Variants in PFKFB3 observed in about 807,000 individuals in gnomAD.
PFKFB3 encodes the protein 6-phosphofructo-2-kinase/fructose-2,6-bisphosphatase 3.
Under a neutral mutation model 68.0 loss-of-function variants are expected in PFKFB3, and 33 were observed. The ratio of observed to expected loss-of-function variants is 0.49; its 90% CI spans 0.37 to 0.65. The LOEUF (loss-of-function observed/expected upper bound fraction) is 0.65, where lower values mean the gene tolerates loss of function less well. Ranked by LOEUF, PFKFB3 falls within the 30% of genes least tolerant of loss-of-function variation. The pLI, the probability that PFKFB3 is intolerant of heterozygous loss-of-function variation, is 0.00. For missense variants in PFKFB3, 586 were observed against 712.2 expected, an observed-to-expected ratio of 0.82 and a Z score of 2.02; for synonymous variants, 315 against 288.2, an observed-to-expected ratio of 1.09 and a Z score of -0.94.
intron 1 of PFKFB3, among the ~76,000 whole-genome samples, chr10:6,157,265 T>C (rs11257019): frequency 0.64 from 94,394 of 148,140 alleles, 30,123 homozygotes; most frequent in Middle Eastern, 0.68. Flanking sequence ...CTCGCTCTGT[T>C]GCCCAGGCTG....
chr10:6,318,562 T>C, the PFKFB3 span, among the ~76,000 whole-genome samples: 2 of 152,178 alleles, frequency 1.3e-5, no homozygotes, highest in African/African-American at 2.4e-5. Context: ...CCAATATCCA[T>C]TGCCCTGTTT....
the PFKFB3 span, among the ~76,000 whole-genome samples, chr10:6,310,414 G>A: frequency 6.6e-6 from 1 of 152,140 alleles, no homozygotes; most frequent in African/African-American, 2.4e-5. Context: ...GCACAGAAAT[G>A]AGGCTGTTTA....
intron 14 of PFKFB3, among the ~76,000 whole-genome samples, chr10:6,247,064 G>A (rs1037035354): frequency 2.6e-5 from 4 of 152,182 alleles, no homozygotes; most frequent in Non-Finnish European, 2.9e-5. Flanking sequence ...GATAAACCAA[G>A]GGCAACATTG....
the PFKFB3 span, among the ~76,000 whole-genome samples, chr10:6,270,211 G>C: frequency 7.2e-5 from 11 of 152,232 alleles, no homozygotes; most frequent in Non-Finnish European, 1.5e-4. Context: ...AGGAACATGG[G>C]ACAAGAATTC....
At chr10:6,324,204 A>G in the PFKFB3 span, among the ~76,000 whole-genome samples, 4 of 152,204 alleles carry the variant, frequency 2.6e-5, no homozygotes, top group African/African-American at 9.6e-5. Context: ...GGAATAAGCT[A>G]GATACAAACG....
upstream of PFKFB3, among the ~76,000 whole-genome samples, chr10:6,201,920 G>A (rs1843375477): frequency 6.6e-6 from 1 of 152,236 alleles, no homozygotes; most frequent in Non-Finnish European, 1.5e-5. The surrounding 1 kb of genome is among the most constrained non-coding windows in gnomAD (Gnocchi z 4.1). Context: ...CAAACTGCGA[G>A]GGCCGGGAAA....
chr10:6,153,722 G>A (rs1360526756), intron 1 of PFKFB3, among the ~76,000 whole-genome samples: 9 of 152,112 alleles, frequency 5.9e-5, no homozygotes, highest in Non-Finnish European at 1.2e-4. Flanking sequence ...GGGTGTGGAG[G>A]CAGGTGCCTG....
At chr10:6,283,558 T>TCAGCCCACGCTGATGGAGGCTGGAAGA in the PFKFB3 span, among the ~76,000 whole-genome samples, 2 of 152,254 alleles carry the variant, frequency 1.3e-5, no homozygotes, top group Admixed American at 6.5e-5. Context: ...GCTGGAAGAC[T>TCAGCCCACGCTGATGGAGGCTGGAAGA]CAGCCCTGAA....
intron 1 of PFKFB3, among the ~76,000 whole-genome samples, chr10:6,156,127 ATATGTGTG>A (rs1554840052): frequency 4.3e-5 from 2 of 46,788 alleles, no homozygotes; most frequent in South Asian, 1.2e-3. Flanking sequence ...ATGTACATAT[ATATGTGTG>A]TGTGTGTGTG....
At chr10:6,318,903 T>C in the PFKFB3 span, among the ~76,000 whole-genome samples, 1 of 152,192 alleles carries the variant, frequency 6.6e-6, no homozygotes, top group East Asian at 1.9e-4. Context: ...CCAGGCTGCT[T>C]CCATGGGTTC....
chr10:6,167,353 T>C (rs1842175444), intron 1 of PFKFB3, among the ~76,000 whole-genome samples: 1 of 152,254 alleles, frequency 6.6e-6, no homozygotes, highest in Admixed American at 6.5e-5. Context: ...TGTCTGATAC[T>C]GAGTCTGTAG....
At chr10:6,245,420 A>ATTATTG (rs1476772325) in intron 14 of PFKFB3, among the ~76,000 whole-genome samples, 2 of 145,816 alleles carry the variant, frequency 1.4e-5, no homozygotes, top group Non-Finnish European at 3.0e-5. Flanking sequence ...TATTATTATT[A>ATTATTG]TTACTATTAT....
intron 10 of PFKFB3, among the ~76,000 whole-genome samples, chr10:6,222,522 C>T (rs1415460977): frequency 2.0e-5 from 3 of 152,164 alleles, no homozygotes; most frequent in Non-Finnish European, 2.9e-5. Flanking sequence ...GGCCCAGCCC[C>T]GGCACCGGCC....
At chr10:6,239,548 A>G (rs1000083349), downstream of PFKFB3, among the ~76,000 whole-genome samples, 1 of 152,224 alleles carries the variant, frequency 6.6e-6, no homozygotes, top group Non-Finnish European at 1.5e-5. Context: ...GGAGTGGGTC[A>G]TAACTCAAGA....
At chr10:6,201,406 G>A (rs1843344856), upstream of PFKFB3, among the ~76,000 whole-genome samples, 1 of 151,696 alleles carries the variant, frequency 6.6e-6, no homozygotes, top group South Asian at 2.1e-4. The surrounding 1 kb of genome is among the most constrained non-coding windows in gnomAD (Gnocchi z 4.1). Context: ...GGGGCTCTGA[G>A]AGGGCGGCGC....
chr10:6,168,497 C>T lies in PFKFB3; in HGVS notation c.16+23484C>T, dbSNP rs75593542. Among the ~76,000 whole-genome samples, 1,240 of 152,310 alleles carry T rather than the reference C, an allele frequency of 8.1e-3. 49 individuals carry two copies. The highest frequency in any genetic ancestry group is 0.064 in the Admixed American group (985 of 15,300). On this transcript the variant is annotated intron_variant, in intron 1 of 14. Coordinates refer to the PFKFB3 transcript ENST00000379789. ...CCTTATGCAGTTGTGAGGATTAACA[C>T]GAGCAGCTAAGCACAAAAGGCTTCT...
At chr10:6,316,538 G>C in the PFKFB3 span, among the ~76,000 whole-genome samples, 1 of 152,052 alleles carries the variant, frequency 6.6e-6, no homozygotes, top group Non-Finnish European at 1.5e-5. Context: ...GAGTGCAGTG[G>C]TGTGATCTTG....
At chr10:6,237,396 G>A (rs1025659189), downstream of PFKFB3, among the ~76,000 whole-genome samples, 1 of 152,230 alleles carries the variant, frequency 6.6e-6, no homozygotes, top group African/African-American at 2.4e-5. Context: ...CTGGTGAAGA[G>A]TGAGGCGTTC....
At chr10:6,204,103 A>G (rs1039497258) in intron 1 of PFKFB3, among the ~76,000 whole-genome samples, 3 of 151,778 alleles carry the variant, frequency 2.0e-5, no homozygotes, top group Non-Finnish European at 4.4e-5. Flanking sequence ...GGCTGGCAGT[A>G]CCCTGCCCCG....
Sources: gnomAD v4.1 joint callset for allele counts (sites outside exome capture counted in the v4.1 genomes callset) on GRCh38, gnomAD v4.1.1 for gene constraint, Gnocchi (gnomAD v3.1) non-coding constraint, MANE v1.5 for transcripts, NCBI Gene and HGNC (gene_info 2026-07-23, HGNC 2026-07-21) for gene names.